The following NRXN1 variants were observed in gnomAD, a reference collection of about 807,000 sequenced individuals.
NRXN1 encodes neurexin 1.
A neutral mutation model predicts 150.9 loss-of-function variants in NRXN1; 39 were observed. The ratio of observed to expected loss-of-function variants is 0.26; its 90% CI spans 0.20 to 0.34. The LOEUF is 0.34. Ranked by LOEUF, NRXN1 falls within the 10% of genes least tolerant of loss-of-function variation. The pLI is 1.00. For synonymous variants in NRXN1, 924 were observed against 757.0 expected, an observed-to-expected ratio of 1.22 and a Z score of -3.62; for missense variants, 1,815 against 1,949.9, an observed-to-expected ratio of 0.93 and a Z score of 1.30.
At chr2:50,100,471 A>G (rs1558878259) in intron 18 of NRXN1, among the ~76,000 whole-genome samples, 1 of 152,070 alleles carries the variant, frequency 6.6e-6, no homozygotes, top group Non-Finnish European at 1.5e-5. Context: ...TGGCTGCTGG[A>G]TCTTTGAATG....
chr2:50,167,286 T>C (rs996398102), intron 18 of NRXN1, among the ~76,000 whole-genome samples: 1 of 152,174 alleles, frequency 6.6e-6, no homozygotes, highest in Non-Finnish European at 1.5e-5. Context: ...TTAGTATATC[T>C]CTAGGGAATA....
Position 50,334,192 on chromosome 2 carries a change from A to ATTTTATAT in NRXN1, c.3365-97223_3365-97222insATATAAAA, listed in dbSNP as rs1553457970. ...CTGCCTTTCCTTAAGACCAGGACCA[A>ATTTTATAT]ATATATATATATATATATATGTATG... On this transcript the variant is annotated intron_variant, in intron 17 of 22. Transcript: ENST00000401669. Among the ~76,000 whole-genome samples the ATTTTATAT allele has an allele frequency of 6.2e-4, 74 of 118,906 alleles. 3 individuals are homozygous for ATTTTATAT. Among genetic ancestry groups the ATTTTATAT allele is most frequent in the East Asian group, 2.1e-3 (9 of 4,230 alleles). The allele number at this position is 118,906 out of a possible 152,430, so 78.0% of individuals were successfully genotyped here. A position where few individuals can be genotyped will look rare whatever the true frequency, so the allele number is the denominator to read the frequency against.
At chr2:50,167,054 A>G (rs1172650543) in intron 18 of NRXN1, among the ~76,000 whole-genome samples, 1 of 152,162 alleles carries the variant, frequency 6.6e-6, no homozygotes, top group African/African-American at 2.4e-5. Context: ...TGTTAAGGAG[A>G]GAATTCTCAA....
chr2:50,002,705 TC>T (rs1406027528), intron 21 of NRXN1, among the ~76,000 whole-genome samples: 7 of 152,110 alleles, frequency 4.6e-5, no homozygotes, highest in African/African-American at 1.4e-4. Context: ...CCCTGCTCTG[TC>T]CGCCATTCCC....
intron 8 of NRXN1, among the ~76,000 whole-genome samples, chr2:50,577,709 AACACACACACAC>A (rs145366518): frequency 6.8e-6 from 1 of 147,206 alleles, no homozygotes; most frequent in African/African-American, 2.5e-5. Flanking sequence ...ACCTGACTGA[AACACACACACAC>A]ACACACACAC....
chr2:50,904,446 T>C lies in NRXN1; in HGVS notation c.832+17423A>G, dbSNP rs528335695. On this transcript the variant is annotated intron_variant, in intron 5 of 22. Transcript: ENST00000401669. ...AGTTCATATTTGGGAACATAAACGA[T>C]GGTAAAATGGTTCTCTTCTAAGTAG... Among the ~76,000 whole-genome samples the C allele has an allele frequency of 2.0e-5, 3 of 152,204 alleles. No homozygotes were observed. In the South Asian group the frequency reaches 6.2e-4, roughly 32 times the overall value.
chr2:50,615,868 T>C (rs1261809516), intron 8 of NRXN1: 1 of 152,148 alleles, frequency 6.6e-6, no homozygotes, highest in Non-Finnish European at 1.5e-5. Context: ...TAATTAAATA[T>C]AAAATGATCG....
At position 50,620,046 on chromosome 2, in the gene NRXN1, G is replaced by A. The variant is rs1259694734; in HGVS notation, c.1296C>T (p.Asn432=). ...TADLPGSPVS[N]NFMGCLKEVV... ...CCTCTTTGAGACAGCCCATAAAGTT[G>A]TTACTGACTGGTGACCCTGGAAGGT... Residue 432 remains asparagine, a synonymous_variant, in exon 8 of 23, where the codon AAC becomes AAT. Transcript: ENST00000401669. 10 of 1,608,750 alleles carry A rather than the reference G, an allele frequency of 6.2e-6. No homozygotes were observed. The highest frequency in any genetic ancestry group is 1.7e-5 in the Admixed American group (1 of 59,468).
chr2:50,231,660 C>G (rs1361904221), intron 18 of NRXN1, among the ~76,000 whole-genome samples: 5 of 152,072 alleles, frequency 3.3e-5, no homozygotes, highest in Admixed American at 3.3e-4. Context: ...CTTCACTCAT[C>G]CCCTCCTCCA....
At chr2:50,220,139 G>T (rs1254951907) in intron 18 of NRXN1, among the ~76,000 whole-genome samples, 1 of 148,974 alleles carries the variant, frequency 6.7e-6, no homozygotes, top group Admixed American at 6.8e-5. Flanking sequence ...AGCATAATCA[G>T]CCTAACTCCT....
At chr2:51,000,758 A>T (rs1699935877) in intron 2 of NRXN1, among the ~76,000 whole-genome samples, 1 of 151,898 alleles carries the variant, frequency 6.6e-6, no homozygotes, top group South Asian at 2.1e-4. Context: ...ATATACCTTA[A>T]TTCCGTAAAT....
At chr2:50,104,302 C>A (rs1701354094) in intron 18 of NRXN1, among the ~76,000 whole-genome samples, 1 of 151,992 alleles carries the variant, frequency 6.6e-6, no homozygotes, top group Non-Finnish European at 1.5e-5. Flanking sequence ...AATATCATAG[C>A]AAGAAATATA....
chr2:50,731,234 G>A (rs1698063079), intron 5 of NRXN1, among the ~76,000 whole-genome samples: 1 of 152,020 alleles, frequency 6.6e-6, no homozygotes, highest in Non-Finnish European at 1.5e-5. Flanking sequence ...CATAAAAAAT[G>A]ACAAGAAATG....
chr2:50,665,425 T>C (rs561839708), intron 5 of NRXN1, among the ~76,000 whole-genome samples: 1 of 152,036 alleles, frequency 6.6e-6, no homozygotes, highest in African/African-American at 2.4e-5. Context: ...TGTTTTATTT[T>C]TGAAAGAGCC....
chr2:50,194,602 T>C (rs897473391), intron 18 of NRXN1, among the ~76,000 whole-genome samples: 2 of 152,170 alleles, frequency 1.3e-5, no homozygotes, highest in African/African-American at 2.4e-5. Context: ...AAGATAATGT[T>C]TGGAAGTCTC....
At chr2:50,873,917 G>T (rs1274977207) in intron 5 of NRXN1, among the ~76,000 whole-genome samples, 2 of 151,674 alleles carry the variant, frequency 1.3e-5, no homozygotes, top group Non-Finnish European at 2.9e-5. Flanking sequence ...ATTAATTATG[G>T]TACTAAGTCT....
intron 17 of NRXN1, among the ~76,000 whole-genome samples, chr2:50,449,969 A>G (rs1434544187): frequency 6.6e-6 from 1 of 152,186 alleles, no homozygotes; most frequent in Non-Finnish European, 1.5e-5. Flanking sequence ...CTATGGCCAC[A>G]CAGATGCCAT....
intron 17 of NRXN1, among the ~76,000 whole-genome samples, chr2:50,332,008 G>A (rs2076868366): frequency 6.6e-6 from 1 of 152,080 alleles, no homozygotes; most frequent in African/African-American, 2.4e-5. Flanking sequence ...CTCCTTAGGT[G>A]ATTCTGATAC....
At chr2:50,260,595 G>A (rs1206842734) in intron 17 of NRXN1, among the ~76,000 whole-genome samples, 1 of 143,458 alleles carries the variant, frequency 7.0e-6, no homozygotes, top group African/African-American at 2.6e-5. Flanking sequence ...AGCAAACACC[G>A]ATGACAAAAG....
Sources: allele counts gnomAD v4.1 joint callset (sites outside exome capture counted in the v4.1 genomes callset), GRCh38; gene constraint gnomAD v4.1.1; transcripts MANE v1.5; gene names NCBI Gene and HGNC (gene_info 2026-07-23, HGNC 2026-07-21).